Variants in TNRC18 observed in about 807,000 individuals in gnomAD.
TNRC18 encodes the protein trinucleotide repeat containing 18, also known as trinucleotide repeat-containing gene 18 protein.
Under a neutral mutation model 226.7 loss-of-function variants are expected in TNRC18, and 69 were observed. That is an observed-to-expected ratio of 0.30 (90% CI 0.25 to 0.37). The LOEUF is 0.37. Ranked by LOEUF, TNRC18 falls within the 10% of genes least tolerant of loss-of-function variation. TNRC18 has a pLI of 1.00. For missense variants in TNRC18, 4,754 were observed against 4,256.6 expected (o/e 1.12, Z -3.25); for synonymous variants, 2,449 against 1,927.6 (o/e 1.27, Z -7.09).
intron 29 of TNRC18, 141 bp from the exon 30 acceptor site, chr7:5,308,453 T>C (rs1583705659): frequency 1.3e-6 from 1 of 749,774 alleles, no homozygotes. Context: ...AGAGGCTGAG[T>C]AAGAGACAGA....
At chr7:5,320,965 G>A (rs1031307787) in intron 22 of TNRC18, 108 bp downstream of exon 22, 42 of 823,328 alleles carry the variant, frequency 5.1e-5, no homozygotes, top group East Asian at 2.4e-4. Context: ...CTGTGCCATC[G>A]GGGGAAACCA....
Position 5,351,961 on chromosome 7 carries a change from C to A in TNRC18, c.5328G>T (p.Lys1776Asn). 3.1e-6 allele frequency: 5 copies of A among 1,613,936 alleles called. No homozygotes were observed. Among genetic ancestry groups the A allele is most frequent in the Non-Finnish European group, 4.2e-6 (5 of 1,179,866 alleles). Reference protein sequence around the residue: ...AKNSKAAGGPKLTKRGLAAPR... With the variant: ...AKNSKAAGGPNLTKRGLAAPR... ...GGGCCGCCAGGCCCCTCTTGGTCAG[C>A]TTGGGGCCACCAGCTGCCTTGCTGT... The change falls in exon 17 of 30, where the codon AAG (lysine) becomes AAT (asparagine). Residue 1776 changes from lysine (K) to asparagine (N), a missense_variant. By Grantham distance (94) the Lys-to-Asn change is moderately conservative. Transcript: ENST00000430969.
intron 15 of TNRC18, 43 bp downstream of exon 15, chr7:5,359,355 C>A (rs752626527): frequency 2.8e-5 from 45 of 1,607,934 alleles, no homozygotes; most frequent in Non-Finnish European, 3.7e-5. Context: ...CTCCAGACAC[C>A]TCCCTGAAAG....
intron 5 of TNRC18, among the ~76,000 whole-genome samples, chr7:5,383,659 A>C (rs1235387145): frequency 6.6e-6 from 1 of 152,220 alleles, no homozygotes; most frequent in East Asian, 1.9e-4. Context: ...GGAACTGCCC[A>C]GACACAGGCG....
At chr7:5,329,682 C>CAA (rs10628315) in intron 19 of TNRC18, among the ~76,000 whole-genome samples, 29,057 of 45,546 alleles carry the variant, frequency 0.64, 11,026 homozygotes, top group East Asian at 0.78. Context: ...GACTCCGTCT[C>CAA]AAAAAAAAAA....
intron 17 of TNRC18, among the ~76,000 whole-genome samples, chr7:5,347,585 A>C (rs990491792): frequency 6.6e-6 from 1 of 152,016 alleles, no homozygotes; most frequent in Non-Finnish European, 1.5e-5. Flanking sequence ...GGATCGCCTG[A>C]GCTCAGGAAT....
intron 21 of TNRC18, among the ~76,000 whole-genome samples, chr7:5,321,895 C>A (rs1227293912): frequency 1.3e-5 from 2 of 151,896 alleles, no homozygotes; most frequent in South Asian, 2.1e-4. Context: ...TGATCCCGAG[C>A]CCCTGACCTC....
In TNRC18 at chr7:5,356,906, C is replaced by T. The variant is rs1167456381; in HGVS notation, c.5194+10G>A. The T allele has an allele frequency of 2.0e-6, 3 of 1,529,124 alleles. No homozygotes were observed. Among genetic ancestry groups the T allele is most frequent in the East Asian group, 4.9e-5 (2 of 40,740 alleles). 94.7% of individuals were successfully genotyped at this position (1,529,124 alleles called of 1,614,324 possible). A position where few individuals can be genotyped will look rare whatever the true frequency, so the allele number is the denominator to read the frequency against. Reference sequence around the variant, plus strand: ...AGCGGACCAGAGGTGGCGCGGCATACGCTACTTACTGTAAGAGTAGCTGCT... The same window carrying T: ...AGCGGACCAGAGGTGGCGCGGCATATGCTACTTACTGTAAGAGTAGCTGCT... On this transcript the variant is annotated intron_variant, in intron 16 of 29. Transcript: ENST00000430969.
At chr7:5,403,837 C>T (rs1781279045) in intron 2 of TNRC18, among the ~76,000 whole-genome samples, 1 of 151,618 alleles carries the variant, frequency 6.6e-6, no homozygotes. Context: ...AACAGACTAT[C>T]AGAGCATCTC....
At chr7:5,333,103 C>G in intron 18 of TNRC18, 54 bp from the exon 19 acceptor site, 2 of 1,525,010 alleles carry the variant, frequency 1.3e-6, no homozygotes, top group East Asian at 4.9e-5. Context: ...CCCCTTCCCT[C>G]CCACCCAGCC....
chr7:5,414,113 A>C (rs1369794682), intron 2 of TNRC18, among the ~76,000 whole-genome samples: 3 of 151,326 alleles, frequency 2.0e-5, no homozygotes, highest in African/African-American at 7.3e-5. Flanking sequence ...CACCCAGCTA[A>C]TTTCTGTATT....
chr7:5,339,521 C>T (rs116180314), intron 18 of TNRC18, among the ~76,000 whole-genome samples: 3,839 of 140,448 alleles, frequency 0.027, 110 homozygotes, highest in Admixed American at 0.084. Flanking sequence ...ATTACAGGCG[C>T]GAGCTATCGT....
At chr7:5,370,232 A>G (rs1360011104) in intron 11 of TNRC18, 143 bp downstream of exon 11, 3 of 976,152 alleles carry the variant, frequency 3.1e-6, no homozygotes, top group African/African-American at 3.3e-5. Flanking sequence ...CTGGGGAGGG[A>G]AGATCACTTG....
chr7:5,351,151 G>A lies in TNRC18; in HGVS notation c.5470+668C>T, dbSNP rs530299975. Among the ~76,000 whole-genome samples the A allele has an allele frequency of 1.2e-4, 18 of 152,084 alleles. No individual in the cohort carries two copies. In the East Asian group the frequency reaches 3.3e-3, roughly 28 times the overall value. The stretch of plus-strand genomic sequence containing the variant: ...GGATATTTGAATAACACAGGCAAGC[G>A]GCAGGCGGCACGGTCCCGTCCCTAC... On this transcript the variant is annotated intron_variant, in intron 17 of 29. Transcript: ENST00000430969.
Position 5,414,828 on chromosome 7 carries a change from A to C in TNRC18, c.187+6232T>G, listed in dbSNP as rs76577250. Among the ~76,000 whole-genome samples, 18 of 152,326 alleles carry C rather than the reference A, an allele frequency of 1.2e-4. No individual in the cohort carries two copies. The East Asian group carries it at 3.5e-3, about 29-fold the overall frequency. On this transcript the variant is annotated intron_variant, in intron 2 of 29. Transcript: ENST00000430969. ...GATACTATCAACTAATCTACAGTCC[A>C]TATTCCAGTTTTGTCAATTGTCCCA...
In TNRC18 at chr7:5,377,718, G is replaced by A; in HGVS notation, c.2256-142C>T. 1 of 1,086,218 alleles carries A rather than the reference G, an allele frequency of 9.2e-7. No homozygotes were observed. Among genetic ancestry groups the A allele is most frequent in the Non-Finnish European group, 1.3e-6 (1 of 756,882 alleles). 67.3% of individuals were successfully genotyped at this position (1,086,218 alleles called of 1,614,324 possible). A position where few individuals can be genotyped will look rare whatever the true frequency, so the allele number is the denominator to read the frequency against. On this transcript the variant is annotated intron_variant, in intron 6 of 29. Transcript: ENST00000430969. This position sits in a 1 kb window ranked among gnomAD's most constrained non-coding sequence, Gnocchi z 5.8. ...GCTCGGAACTGAAGGGCCTCCCGGG[G>A]CCTTCCACACTCACTGTAGGGGCAG...
chr7:5,309,276 G>A lies in TNRC18; in HGVS notation c.8481C>T (p.Phe2827=), dbSNP rs375385543. ...GCAGGTTGGGGCGGCCGGCAGAGAGGAACACGGCACAGTCCCCGATACGGA... is the reference window on the plus strand; with the variant it reads ...GCAGGTTGGGGCGGCCGGCAGAGAGAAACACGGCACAGTCCCCGATACGGA... ...EMIRIGDCAV[F]LSAGRPNLPY... The change falls in exon 28 of 30, where the codon TTC becomes TTT. Residue 2827 remains phenylalanine (F), a synonymous_variant. Transcript: ENST00000430969. This position sits in a 1 kb window ranked among gnomAD's most constrained non-coding sequence, Gnocchi z 5.7. 3.3e-5 allele frequency: 53 copies of A among 1,613,786 alleles called. No homozygotes were observed. In the African/African-American group the frequency reaches 5.9e-4, roughly 18 times the overall value.
At chr7:5,390,664 T>A in intron 3 of TNRC18, 36 bp from the exon 4 acceptor site, 1 of 1,476,140 alleles carries the variant, frequency 6.8e-7, no homozygotes, top group Non-Finnish European at 9.0e-7. Flanking sequence ...GCTGGGCCAA[T>A]TCGTGCTGCT....
At chr7:5,397,506 G>A (rs1338288330) in intron 2 of TNRC18, among the ~76,000 whole-genome samples, 2 of 152,184 alleles carry the variant, frequency 1.3e-5, no homozygotes, top group South Asian at 4.1e-4. Flanking sequence ...AGCATCCCCA[G>A]CAAGGCAGTG....
Sources: gnomAD v4.1 joint callset for allele counts (sites outside exome capture counted in the v4.1 genomes callset) on GRCh38, gnomAD v4.1.1 for gene constraint, Gnocchi (gnomAD v3.1) non-coding constraint, MANE v1.5 for transcripts, NCBI Gene and HGNC (gene_info 2026-07-23, HGNC 2026-07-21) for gene names.